Variants in PALLD observed in about 807,000 individuals in gnomAD.
PALLD encodes the protein palladin.
PALLD carries 61 observed loss-of-function variants against 123.5 expected under a neutral mutation model. That is an observed-to-expected ratio of 0.49 (90% CI 0.40 to 0.61). The LOEUF is 0.61. Ranked by LOEUF, PALLD falls within the 20% of genes least tolerant of loss-of-function variation. PALLD has a pLI of 0.00. For synonymous variants in PALLD, 465 were observed against 496.4 expected, an observed-to-expected ratio of 0.94 and a Z score of 0.84; for missense variants, 1,273 against 1,377.0, an observed-to-expected ratio of 0.92 and a Z score of 1.20.
intron 6 of PALLD, among the ~76,000 whole-genome samples, chr4:168,689,419 T>A (rs1782394445): frequency 6.7e-6 from 1 of 148,572 alleles, no homozygotes; most frequent in Non-Finnish European, 1.5e-5. Flanking sequence ...CACCTTACAT[T>A]CGATCCAATA....
chr4:168,727,603 C>T (rs2150293153), intron 10 of PALLD, among the ~76,000 whole-genome samples: 1 of 152,212 alleles, frequency 6.6e-6, no homozygotes, highest in Non-Finnish European at 1.5e-5. Flanking sequence ...AGGTTCTGGA[C>T]ATGAGACCTT....
chr4:168,673,744 C>T (rs1012101544), intron 3 of PALLD, among the ~76,000 whole-genome samples: 14 of 151,740 alleles, frequency 9.2e-5, no homozygotes, highest in East Asian at 7.7e-4. Context: ...CATGTGGAGG[C>T]GAGGGGAGGA....
At chr4:168,802,342 C>T (rs1422466203) in intron 10 of PALLD, among the ~76,000 whole-genome samples, 1 of 152,116 alleles carries the variant, frequency 6.6e-6, no homozygotes, top group Non-Finnish European at 1.5e-5. Context: ...TGAAAATTGT[C>T]CCAGGATTGG....
intron 10 of PALLD, among the ~76,000 whole-genome samples, chr4:168,759,241 A>T (rs1405429530): frequency 8.2e-6 from 1 of 121,988 alleles, no homozygotes; most frequent in African/African-American, 3.1e-5. Flanking sequence ...ATATATATAT[A>T]TATAGAAACA....
At chr4:168,578,387 G>A (rs1769865347) in intron 2 of PALLD, among the ~76,000 whole-genome samples, 1 of 151,984 alleles carries the variant, frequency 6.6e-6, no homozygotes, top group Non-Finnish European at 1.5e-5. Flanking sequence ...TGCTGTCCTT[G>A]TGATAGTGAG....
chr4:168,663,570 A>G (rs1779330248), intron 2 of PALLD, among the ~76,000 whole-genome samples: 1 of 152,126 alleles, frequency 6.6e-6, no homozygotes, highest in Non-Finnish European at 1.5e-5. Flanking sequence ...TATGGAGGGC[A>G]TGCTCCCAGG....
intron 10 of PALLD, among the ~76,000 whole-genome samples, chr4:168,713,564 A>G (rs1785041361): frequency 6.6e-6 from 1 of 152,182 alleles, no homozygotes; most frequent in Admixed American, 6.5e-5. Flanking sequence ...AGCCCGTCTT[A>G]TCTCAGGAGT....
At chr4:168,607,344 G>A (rs558001250) in intron 2 of PALLD, among the ~76,000 whole-genome samples, 8 of 152,154 alleles carry the variant, frequency 5.3e-5, no homozygotes, top group Admixed American at 1.3e-4. Context: ...ATGACAGAGG[G>A]AACTGGGAAG....
intron 10 of PALLD, among the ~76,000 whole-genome samples, chr4:168,721,805 T>G (rs1258656337): frequency 6.6e-6 from 1 of 152,204 alleles, no homozygotes; most frequent in Non-Finnish European, 1.5e-5. Flanking sequence ...CTGAATGTTC[T>G]CACCTCCCGT....
chr4:168,572,486 C>T (rs1276209305), intron 2 of PALLD, among the ~76,000 whole-genome samples: 2 of 152,072 alleles, frequency 1.3e-5, no homozygotes, highest in Admixed American at 1.3e-4. Context: ...TAAGGGGAAC[C>T]TCCACCTTTT....
chr4:168,736,674 T>C (rs891960322), intron 10 of PALLD, among the ~76,000 whole-genome samples: 1 of 152,162 alleles, frequency 6.6e-6, no homozygotes, highest in African/African-American at 2.4e-5. Context: ...AGGATCTCCA[T>C]CCACCATCTG....
intron 2 of PALLD, among the ~76,000 whole-genome samples, chr4:168,662,405 A>G (rs1241311528): frequency 6.6e-6 from 1 of 152,202 alleles, no homozygotes; most frequent in East Asian, 1.9e-4. Context: ...GAGGATGGCA[A>G]ATGTGTTTCA....
At chr4:168,664,161 C>T (rs1561365852) in intron 2 of PALLD, among the ~76,000 whole-genome samples, 1 of 152,164 alleles carries the variant, frequency 6.6e-6, no homozygotes, top group Non-Finnish European at 1.5e-5. Context: ...AATTTTTTCT[C>T]ATTGAGTACC....
intron 10 of PALLD, among the ~76,000 whole-genome samples, chr4:168,816,964 G>T (rs565297618): frequency 3.9e-5 from 6 of 152,038 alleles, no homozygotes; most frequent in South Asian, 2.1e-4. Flanking sequence ...CAGTTCCAGC[G>T]ACCAAATAAG....
At chr4:168,730,179 AT>A (rs1221809580) in intron 10 of PALLD, among the ~76,000 whole-genome samples, 1 of 151,918 alleles carries the variant, frequency 6.6e-6, no homozygotes, top group Admixed American at 6.6e-5. Context: ...CTCCTAATTG[AT>A]GTTCTCACTT....
At chr4:168,839,286 T>G (rs561990739) in intron 10 of PALLD, among the ~76,000 whole-genome samples, 1 of 152,204 alleles carries the variant, frequency 6.6e-6, no homozygotes, top group South Asian at 2.1e-4. Flanking sequence ...TTTGTAGTAT[T>G]CTCTTGGGAC....
intron 3 of PALLD, among the ~76,000 whole-genome samples, chr4:168,675,045 G>C (rs141259832): frequency 0.01 from 1,587 of 152,302 alleles, 15 homozygotes; most frequent in Middle Eastern, 0.024. Context: ...TATGTAAATA[G>C]GAAAGATCCA....
intron 10 of PALLD, among the ~76,000 whole-genome samples, chr4:168,738,380 T>C (rs1787970427): frequency 6.6e-6 from 1 of 152,092 alleles, no homozygotes; most frequent in Non-Finnish European, 1.5e-5. Flanking sequence ...GAGTCCACAA[T>C]GTTCGATAAT....
intron 9 of PALLD, 70 bp downstream of exon 9, chr4:168,709,217 G>C (rs910117368): frequency 6.4e-7 from 1 of 1,552,672 alleles, no homozygotes; most frequent in African/African-American, 1.4e-5. Flanking sequence ...ACAGCAGAAA[G>C]GCACCGTCCT....
Sources: gnomAD v4.1 joint callset for allele counts (sites outside exome capture counted in the v4.1 genomes callset) on GRCh38, gnomAD v4.1.1 for gene constraint, MANE v1.5 for transcripts, NCBI Gene and HGNC (gene_info 2026-07-23, HGNC 2026-07-21) for gene names.